Variants in CNOT10 observed in about 807,000 individuals in gnomAD.
CNOT10 encodes the protein CCR4-NOT transcription complex, subunit 10.
A neutral mutation model predicts 94.6 loss-of-function variants in CNOT10; 30 were observed. The observed-to-expected ratio is 0.32, with a 90% CI of 0.24 to 0.43. The LOEUF is 0.43. CNOT10 is among the 20% of genes least tolerant of loss of function. The pLI is 1.00. For missense variants in CNOT10, 759 were observed against 877.2 expected, an observed-to-expected ratio of 0.87 and a Z score of 1.70; for synonymous variants, 289 against 301.6, an observed-to-expected ratio of 0.96 and a Z score of 0.43.
intron 13 of CNOT10, among the ~76,000 whole-genome samples, chr3:32,750,809 C>G (rs1261679227): frequency 6.6e-6 from 1 of 152,144 alleles, no homozygotes; most frequent in Non-Finnish European, 1.5e-5. Flanking sequence ...CTCAGCCTCC[C>G]AGAGTGCTGG....
chr3:32,759,663 A>G, intron 14 of CNOT10, 92 bp downstream of exon 14: 1 of 830,186 alleles, frequency 1.2e-6, no homozygotes. Flanking sequence ...TGACTCCTCC[A>G]GTGGAATATA....
At chr3:32,753,927 C>A (rs1700079140) in intron 13 of CNOT10, 11 of 1,074,814 alleles carry the variant, frequency 1.0e-5, no homozygotes, top group Non-Finnish European at 1.5e-5. Flanking sequence ...CTCACACACA[C>A]ACACACACAA....
intron 1 of CNOT10, among the ~76,000 whole-genome samples, chr3:32,703,605 T>C (rs1363259975): frequency 6.6e-6 from 1 of 152,204 alleles, no homozygotes; most frequent in Admixed American, 6.5e-5. Context: ...GGAGGTATCT[T>C]ATACAACATG....
chr3:32,730,678 G>A (rs1299540369), intron 10 of CNOT10: 1 of 152,130 alleles, frequency 6.6e-6, no homozygotes, highest in African/African-American at 2.4e-5. Flanking sequence ...GAGGTATGCT[G>A]AACAAAGTAG....
chr3:32,764,586 A>T (rs2125640519), intron 16 of CNOT10, 96 bp downstream of exon 16: 10 of 1,601,270 alleles, frequency 6.2e-6, no homozygotes, highest in Non-Finnish European at 8.5e-6. Context: ...CCTGAGGAAT[A>T]CTGCTGTGCC....
chr3:32,706,270 A>T (rs1347319860), intron 3 of CNOT10, among the ~76,000 whole-genome samples: 3 of 152,192 alleles, frequency 2.0e-5, no homozygotes, highest in Non-Finnish European at 2.9e-5. Flanking sequence ...CTATGACCCC[A>T]TAGACAGTTT....
At chr3:32,767,902 C>T (rs371029166) in intron 17 of CNOT10, among the ~76,000 whole-genome samples, 18 of 152,160 alleles carry the variant, frequency 1.2e-4, no homozygotes, top group African/African-American at 3.1e-4. Flanking sequence ...CTGAGGTTCT[C>T]GTACAGCAGG....
At chr3:32,771,550 G>A (rs1003527573) in intron 18 of CNOT10, among the ~76,000 whole-genome samples, 9 of 151,996 alleles carry the variant, frequency 5.9e-5, no homozygotes, top group Admixed American at 6.6e-5. Context: ...GCAGTGAGCC[G>A]AGACACACCA....
At chr3:32,688,302 A>G (rs1451848553) in intron 1 of CNOT10, among the ~76,000 whole-genome samples, 1 of 152,176 alleles carries the variant, frequency 6.6e-6, no homozygotes, top group African/African-American at 2.4e-5. Flanking sequence ...AAGTTGTGAT[A>G]GATACTCTGA....
intron 12 of CNOT10, 116 bp from the exon 13 acceptor site, chr3:32,737,294 G>C: frequency 1.6e-6 from 1 of 632,266 alleles, no homozygotes; most frequent in Non-Finnish European, 2.8e-6. Context: ...CATCCTGAGC[G>C]ACGAGCAAAA....
chr3:32,715,328 A>G (rs1698070009), intron 5 of CNOT10, among the ~76,000 whole-genome samples: 1 of 152,192 alleles, frequency 6.6e-6, no homozygotes, highest in Non-Finnish European at 1.5e-5. Context: ...AAGTCAGACA[A>G]GGAGGGGTAG....
intron 7 of CNOT10, among the ~76,000 whole-genome samples, chr3:32,718,345 G>A (rs1162922192): frequency 6.7e-6 from 1 of 149,698 alleles, no homozygotes; most frequent in Non-Finnish European, 1.5e-5. Context: ...AGCACTTTGG[G>A]AGGCTGAGGC....
intron 7 of CNOT10, 45 bp from the exon 8 acceptor site, chr3:32,720,069 G>A (rs779200769): frequency 2.1e-6 from 2 of 934,462 alleles, no homozygotes; most frequent in East Asian, 2.4e-5. Context: ...CTTACATTAG[G>A]CGTCTGAAAA....
intron 10 of CNOT10, among the ~76,000 whole-genome samples, chr3:32,731,703 C>T (rs950152467): frequency 3.9e-5 from 6 of 152,134 alleles, no homozygotes; most frequent in African/African-American, 1.4e-4. Context: ...TCTCAAGTTC[C>T]TGGGCTCTAG....
intron 12 of CNOT10, among the ~76,000 whole-genome samples, chr3:32,735,468 G>C (rs1382775834): frequency 1.3e-5 from 2 of 152,188 alleles, no homozygotes; most frequent in Non-Finnish European, 2.9e-5. Flanking sequence ...AGCACTTTGG[G>C]AGGCCAAGAT....
In CNOT10 at chr3:32,770,583, C is replaced by T. The variant is rs1406570886; in HGVS notation, c.2080+621C>T. Among the ~76,000 whole-genome samples, 5 of 152,032 alleles carry T rather than the reference C, an allele frequency of 3.3e-5. No homozygotes were observed. The East Asian group carries it at 7.8e-4, about 24-fold the overall frequency. On this transcript the variant is annotated intron_variant, in intron 18 of 18. Transcript: ENST00000328834. ...CTCATGATCTGCCCACCTCGGCCTC[C>T]CAAAGTGCTTGGATTACAGGCGTGA...
At chr3:32,685,568 T>TGGG (rs1696560342) in intron 1 of CNOT10, 86 bp downstream of exon 1, 1 of 1,446,220 alleles carries the variant, frequency 6.9e-7, no homozygotes, top group African/African-American at 1.4e-5. Context: ...GGGCCCGGGG[T>TGGG]GGGGACTCCA....
At chr3:32,695,104 G>A (rs1048685216) in intron 1 of CNOT10, among the ~76,000 whole-genome samples, 7 of 152,158 alleles carry the variant, frequency 4.6e-5, no homozygotes, top group African/African-American at 1.4e-4. Flanking sequence ...AACATTGCTT[G>A]TTACAAATGG....
chr3:32,726,838 T>G (rs1333168776), intron 9 of CNOT10, among the ~76,000 whole-genome samples: 39 of 1,014 alleles, frequency 0.038, no homozygotes, highest in Non-Finnish European at 0.14. Flanking sequence ...CAAGATGAAT[T>G]TTTTTTTTTT....
Sources: allele counts gnomAD v4.1 joint callset (sites outside exome capture counted in the v4.1 genomes callset), GRCh38; gene constraint gnomAD v4.1.1; transcripts MANE v1.5; gene names NCBI Gene and HGNC (gene_info 2026-07-23, HGNC 2026-07-21).